RENBP: variants seen among roughly 807,000 people sequenced by gnomAD.
RENBP encodes the protein renin binding protein.
In RENBP, 16 loss-of-function variants were observed where a neutral mutation model predicts 37.8. That is an observed-to-expected ratio of 0.42 (90% confidence interval 0.29 to 0.64). The LOEUF (loss-of-function observed/expected upper bound fraction) is 0.64. Among genes scored for constraint, RENBP ranks in the 30% least tolerant of loss-of-function variants. The pLI, the probability that RENBP is intolerant of heterozygous loss-of-function variation, is 0.19. For missense variants in RENBP, 347 were observed against 379.5 expected (o/e 0.91, Z 0.71); for synonymous variants, 170 against 154.8 (o/e 1.10, Z -0.73).
chrX:153,943,504 G>T lies in RENBP; in HGVS notation c.462+42C>A, dbSNP rs782310563. 14 of 1,166,229 alleles carry T rather than the reference G, an allele frequency of 1.2e-5. No individual in the cohort carries two copies. The South Asian group carries it at 2.7e-4, about 22-fold the overall frequency. ...GAATGCATCAGGTGGCCATGGCAGG[G>T]TCGCAGGGTGGGGTCTTCAGGGGCA... On this transcript the variant is annotated intron_variant, in intron 5 of 10. Transcript: ENST00000393700.
intron 9 of RENBP, among the ~76,000 whole-genome samples, chrX:153,937,537 G>C (rs1447279546): frequency 1.8e-5 from 2 of 111,305 alleles, no homozygotes; most frequent in Non-Finnish European, 3.8e-5. Flanking sequence ...CACCTCCCAG[G>C]TTCCAGTGAT....
At chrX:153,944,228 A>T in intron 2 of RENBP, 73 bp from the exon 3 acceptor site, 1 of 1,171,928 alleles carries the variant, frequency 8.5e-7, no homozygotes, top group Non-Finnish European at 1.2e-6. Context: ...GGGCCAGCAA[A>T]TCTGTGAGGT....
intron 9 of RENBP, 79 bp downstream of exon 9, chrX:153,940,023 G>C: frequency 9.0e-7 from 1 of 1,116,116 alleles, no homozygotes; most frequent in Non-Finnish European, 1.2e-6. Context: ...TGCTCAGCGA[G>C]GGGGCAAGAG....
intron 6 of RENBP, 86 bp from the exon 7 acceptor site, chrX:153,942,117 C>T: frequency 1.4e-6 from 1 of 737,652 alleles, no homozygotes; most frequent in Admixed American, 2.4e-5. Flanking sequence ...CTCCGGAAAG[C>T]CCTTCCTCCC....
chrX:153,941,406 G>T, intron 8 of RENBP, 72 bp downstream of exon 8: 1 of 1,109,636 alleles, frequency 9.0e-7, no homozygotes, highest in Non-Finnish European at 1.2e-6. Flanking sequence ...ACCCTCTAGA[G>T]AAGCAACCAC....
rs201460666 is a variant in RENBP, at chrX:153,941,937, C to G, written c.769+13G>C. The G allele has an allele frequency of 1.3e-4, 123 of 943,273 alleles. No individual in the cohort carries two copies. In the East Asian group the frequency reaches 3.7e-3, roughly 28 times the overall value. 77.7% of individuals were successfully genotyped at this position (943,273 alleles called of 1,213,427 possible). On this transcript the variant is annotated intron_variant, in intron 7 of 10. Transcript: ENST00000393700. ...CTCCTCCTGGGTGGCCCCCAGCCCA[C>G]CCCGCCCCTCACCTGGGTTCTGCTG...
rs1299826345 is a variant in RENBP, at chrX:153,941,621, G to T, written c.802C>A (p.Arg268Ser). 1.7e-6 allele frequency: 2 copies of T among 1,197,270 alleles called. No individual in the cohort carries two copies. Among genetic ancestry groups the T allele is most frequent in the East Asian group, 6.1e-5 (2 of 32,945 alleles). The change falls in exon 8 of 11, where the codon CGT (arginine) becomes AGT (serine). Residue 268 changes from arginine (R) to serine (S), a missense_variant. By Grantham distance (110) the Arg-to-Ser change is moderately radical (BLOSUM62 -1). Around this residue, in one of 3 missense-constraint regions of RENBP, gnomAD observed 244 missense variants for 279.4 expected, o/e 0.87. Transcript: ENST00000393700. ...HTLEAGWFLL[R>S]HCIRKGDPEL... ...GGGTCGCCTTTCCGAATGCAATGACGGAGCAGAAACCAGCCGGCTTCCAGC... is the reference window on the plus strand; with the variant it reads ...GGGTCGCCTTTCCGAATGCAATGACTGAGCAGAAACCAGCCGGCTTCCAGC...
At chrX:153,938,279 C>T (rs782162991) in intron 9 of RENBP, among the ~76,000 whole-genome samples, 2 of 112,287 alleles carry the variant, frequency 1.8e-5, no homozygotes, top group East Asian at 2.8e-4. Context: ...GGATTTCTAT[C>T]GGTGACAAAG....
chrX:153,939,541 A>T (rs1328551794), intron 9 of RENBP, among the ~76,000 whole-genome samples: 2 of 111,922 alleles, frequency 1.8e-5, no homozygotes, highest in African/African-American at 6.5e-5. Flanking sequence ...GGCTGGGATG[A>T]CAGCTACAGC....
intron 8 of RENBP, 119 bp from the exon 9 acceptor site, chrX:153,940,352 G>T: frequency 1.1e-6 from 1 of 882,042 alleles, no homozygotes; most frequent in Non-Finnish European, 1.6e-6. Context: ...ATCTTTGGAA[G>T]TTCTGAAGGA....
At chrX:153,943,102 G>A (rs781955908) in intron 5 of RENBP, 23 bp from the exon 6 acceptor site, 67 of 1,076,909 alleles carry the variant, frequency 6.2e-5, no homozygotes, top group Middle Eastern at 7.2e-4. Flanking sequence ...GAGGCAAGGG[G>A]AGGCCCAGGC....
At chrX:153,943,115 A>C in intron 5 of RENBP, 36 bp from the exon 6 acceptor site, 1 of 1,019,337 alleles carries the variant, frequency 9.8e-7, no homozygotes, top group Non-Finnish European at 1.3e-6. Context: ...GCCCAGGCTG[A>C]GGCTACATCC....
chrX:153,943,404 G>A (rs1385228292), intron 5 of RENBP, 142 bp downstream of exon 5: 55 of 614,121 alleles, frequency 9.0e-5, no homozygotes, highest in Middle Eastern at 9.8e-4. Context: ...CCCTGTGGGG[G>A]TAGGGGAGCG....
chrX:153,943,959 A>G lies in RENBP; in HGVS notation c.225T>C (p.Tyr75=). 2 of 1,199,509 alleles carry G rather than the reference A, an allele frequency of 1.7e-6. No homozygotes were observed. The highest frequency in any genetic ancestry group is 2.2e-6 in the Non-Finnish European group (2 of 888,963). ...GCTCGAAAGTGCGGTACAGGCGACA[A>G]TACATCCATACCTGCGGGGTACGGG... The part of the protein sequence containing the change: ...VWLQGRQVWM[Y]CRLYRTFERF... The change falls in exon 4 of 11, where the codon TAT becomes TAC. Residue 75 remains tyrosine (Y), a synonymous_variant. Transcript: ENST00000393700.
In RENBP at chrX:153,937,624, T is replaced by A. The variant is rs139776891; in HGVS notation, c.1078-2048A>T. Among the ~76,000 whole-genome samples, 461 of 108,088 alleles carry A rather than the reference T, an allele frequency of 4.3e-3. 3 individuals are homozygous for A. Among genetic ancestry groups the A allele is most frequent in the African/African-American group, 9.1e-3 (269 of 29,613 alleles). The allele number at this position is 108,088 out of a possible 115,157, so 93.9% of individuals were successfully genotyped here. ...GCCCGGCTAATTTATTTATTTATTTTTTTTATTTTTTATTTTTTTTAATGG... is the reference window on the plus strand; with the variant it reads ...GCCCGGCTAATTTATTTATTTATTTATTTTATTTTTTATTTTTTTTAATGG... On this transcript the variant is annotated intron_variant, in intron 9 of 10. Coordinates refer to ENST00000393700, the MANE Select transcript of RENBP (RefSeq NM_002910.6).
intron 9 of RENBP, among the ~76,000 whole-genome samples, chrX:153,938,789 TTTTTTTG>T (rs1388676266): frequency 3.3e-5 from 3 of 90,391 alleles, no homozygotes; most frequent in African/African-American, 1.1e-4. Context: ...ACTGTTTTTT[TTTTTTTG>T]TTTTTTTTTT....
Position 153,941,541 on chromosome X carries a change from T to C in RENBP, c.882A>G (p.Gly294=). 2 of 1,210,408 alleles carry C rather than the reference T, an allele frequency of 1.7e-6. No homozygotes were observed. Among genetic ancestry groups the C allele is most frequent in the Non-Finnish European group, 2.2e-6 (2 of 894,897 alleles). The part of the protein sequence containing the change: ...DKFLLLPFHS[G]WDPDHGGLFY... The stretch of plus-strand genomic sequence containing the variant: ...AGAGGCCTCCGTGGTCAGGGTCCCA[T>C]CCGGAGTGGAAGGGCAACAATAGGA... Residue 294 remains glycine (G), a synonymous_variant, in exon 8 of 11, where the codon GGA becomes GGG. Coordinates refer to ENST00000393700, the MANE Select transcript of RENBP (RefSeq NM_002910.6).
intron 9 of RENBP, among the ~76,000 whole-genome samples, chrX:153,938,533 ACCACTGGGTGCCATGCCCTTT>A (rs781818669): frequency 0.031 from 3,420 of 110,969 alleles, 156 homozygotes; most frequent in African/African-American, 0.099. Flanking sequence ...AGGCCTTGCC[ACCACTGGGTGCCATGCCCTTT>A]CCACTGGGTG....
rs189824052 is a variant in RENBP, at chrX:153,942,806, G to C, written c.687+49C>G. Reference sequence around the variant, plus strand: ...CGAGCCCCAGGGTGCCCAGGGGAGTGGGGGAGTGGAAGGCCTCCCACCACC... The same window carrying C: ...CGAGCCCCAGGGTGCCCAGGGGAGTCGGGGAGTGGAAGGCCTCCCACCACC... On this transcript the variant is annotated intron_variant, in intron 6 of 10. Coordinates refer to ENST00000393700, the MANE Select transcript of RENBP (RefSeq NM_002910.6). The C allele has an allele frequency of 9.8e-4, 1,021 of 1,039,741 alleles. 2 individuals are homozygous for C. The highest frequency in any genetic ancestry group is 4.2e-3 in the South Asian group (221 of 52,720). The allele number at this position is 1,039,741 out of a possible 1,213,427, so 85.7% of individuals were successfully genotyped here.
Sources: gnomAD v4.1 joint callset for allele counts (sites outside exome capture counted in the v4.1 genomes callset) on GRCh38, gnomAD v4.1.1 for gene constraint, gnomAD v4.1.1 regional missense constraint, MANE v1.5 for transcripts, NCBI Gene and HGNC (gene_info 2026-07-23, HGNC 2026-07-21) for gene names.